The following HIBCH variants were observed in gnomAD, a reference collection of about 807,000 sequenced individuals.
The protein encoded by HIBCH is 3-hydroxyisobutyryl-CoA hydrolase, mitochondrial.
HIBCH carries 50 observed loss-of-function variants against 58.2 expected under a neutral mutation model. The observed-to-expected ratio is 0.86, with a 90% CI of 0.68 to 1.09. The LOEUF is 1.09. Among genes scored for constraint, HIBCH ranks in the 50% least tolerant of loss-of-function variants. The pLI is 0.00. For missense variants in HIBCH, 450 were observed against 449.7 expected (o/e 1.00, Z -0.01); for synonymous variants, 151 against 146.9 (o/e 1.03, Z -0.20).
At chr2:190,299,904 T>C (rs537056265) in intron 2 of HIBCH, among the ~76,000 whole-genome samples, 19 of 152,118 alleles carry the variant, frequency 1.2e-4, no homozygotes, top group Admixed American at 5.2e-4. Flanking sequence ...CACTTATAAG[T>C]GAGAACGTGC....
In HIBCH at chr2:190,203,955, A is replaced by T. The variant is rs997983448; in HGVS notation, c.*1162T>A. 1 of 152,118 alleles carries T rather than the reference A, an allele frequency of 6.6e-6. No individual in the cohort carries two copies. Among genetic ancestry groups the T allele is most frequent in the Admixed American group, 6.5e-5 (1 of 15,276 alleles). The allele number at this position is 152,118 out of a possible 1,614,324, so 9.4% of individuals were successfully genotyped here. ...AAAAATTTATTTTGTTTATAAACAA[A>T]AATTACAAACAAAAAATTATAAATT... On this transcript the variant is annotated 3_prime_UTR_variant, in exon 14 of 14. Coordinates refer to ENST00000359678, the MANE Select transcript of HIBCH (RefSeq NM_014362.4).
intron 1 of HIBCH, among the ~76,000 whole-genome samples, chr2:190,198,789 A>C (rs1463286838): frequency 1.3e-5 from 2 of 152,166 alleles, no homozygotes; most frequent in Admixed American, 6.5e-5. Context: ...CTTTAAAATG[A>C]AGCTGTCTTG....
chr2:190,191,905 CTGTTTTTTTTTCAATCTTTTAACTG>C (rs1689727538), intron 1 of HIBCH, among the ~76,000 whole-genome samples: 2 of 150,446 alleles, frequency 1.3e-5, no homozygotes, highest in African/African-American at 4.9e-5. Context: ...TTTATATTTG[CTGTTTTTTTTTCAATCTTTTAACTG>C]TGTTTTTTTT....
intron 11 of HIBCH, among the ~76,000 whole-genome samples, chr2:190,224,216 GGCCATT>G (rs1397179379): frequency 6.6e-6 from 1 of 152,206 alleles, no homozygotes; most frequent in Non-Finnish European, 1.5e-5. Context: ...AAGGGGCGTC[GGCCATT>G]GCTGATGCTT....
chr2:190,232,907 G>A (rs941957893), intron 11 of HIBCH, among the ~76,000 whole-genome samples: 3 of 152,108 alleles, frequency 2.0e-5, no homozygotes, highest in African/African-American at 4.8e-5. Context: ...GCAGTGAGCC[G>A]AGATCATGCC....
At chr2:190,193,559 T>C (rs980063771) in intron 1 of HIBCH, among the ~76,000 whole-genome samples, 1 of 152,198 alleles carries the variant, frequency 6.6e-6, no homozygotes, top group Non-Finnish European at 1.5e-5. Context: ...TGGAAAGATT[T>C]ACAATTTCTT....
chr2:190,314,328 T>C (rs968061198), intron 1 of HIBCH, among the ~76,000 whole-genome samples: 1,044 of 3,866 alleles, frequency 0.27, 24 homozygotes, highest in Middle Eastern at 0.5. Flanking sequence ...TATGTATATA[T>C]GTATATATAC....
chr2:190,315,081 G>A lies in HIBCH; in HGVS notation c.36-4285C>T, dbSNP rs1688681625. Reference sequence around the variant, plus strand: ...TCCTGCCTCAGTCTCCTGAGTAGCTGGGACTACAGGTGCCTGCCACCATGC... The same window carrying A: ...TCCTGCCTCAGTCTCCTGAGTAGCTAGGACTACAGGTGCCTGCCACCATGC... On this transcript the variant is annotated intron_variant, in intron 1 of 13. Transcript: ENST00000359678. This position sits in a 1 kb window ranked among gnomAD's most constrained non-coding sequence, Gnocchi z 5.4. Among the ~76,000 whole-genome samples the A allele has an allele frequency of 6.6e-6, 1 of 151,894 alleles. No individual in the cohort carries two copies. Among genetic ancestry groups the A allele is most frequent in the African/African-American group, 2.4e-5 (1 of 41,346 alleles).
chr2:190,302,134 T>A (rs1267179182), intron 2 of HIBCH, among the ~76,000 whole-genome samples: 1 of 152,188 alleles, frequency 6.6e-6, no homozygotes, highest in South Asian at 2.1e-4. Flanking sequence ...AAAAGAGAGC[T>A]TTACTTCTCC....
intron 3 of HIBCH, 76 bp downstream of exon 3, chr2:190,296,737 G>T: frequency 7.5e-7 from 1 of 1,326,000 alleles, no homozygotes. Flanking sequence ...GATTCTATGG[G>T]AGAAAATACC....
intron 1 of HIBCH, among the ~76,000 whole-genome samples, chr2:190,190,389 T>C (rs1293982984): frequency 6.6e-6 from 1 of 152,248 alleles, no homozygotes; most frequent in Non-Finnish European, 1.5e-5. Flanking sequence ...TTCATCCTTT[T>C]TTAATTGTCA....
At chr2:190,224,580 GCTAA>G (rs1164747868) in intron 11 of HIBCH, among the ~76,000 whole-genome samples, 1 of 152,136 alleles carries the variant, frequency 6.6e-6, no homozygotes, top group Non-Finnish European at 1.5e-5. Flanking sequence ...AACAAGAAGA[GCTAA>G]CTATCCTAAA....
At chr2:190,223,363 T>C (rs1685784488) in intron 11 of HIBCH, among the ~76,000 whole-genome samples, 1 of 152,136 alleles carries the variant, frequency 6.6e-6, no homozygotes, top group South Asian at 2.1e-4. Context: ...GCCTCCTGAG[T>C]ATATGGTACT....
downstream of HIBCH, chr2:190,202,167 A>G (rs1575688021): frequency 6.0e-6 from 1 of 167,050 alleles, no homozygotes; most frequent in African/African-American, 2.4e-5. Flanking sequence ...TGCCAGATCC[A>G]TATCAACTAG....
Position 190,204,707 on chromosome 2 carries a change from C to T in HIBCH, c.*410G>A, listed in dbSNP as rs922432723. ...TGATTTCATCAACATACAAGCCAAA[C>T]GAAGATCCCATTTCAATTAGATATA... On this transcript the variant is annotated 3_prime_UTR_variant, in exon 14 of 14. Coordinates refer to ENST00000359678, the MANE Select transcript of HIBCH (RefSeq NM_014362.4). The T allele has an allele frequency of 2.1e-5, 4 of 189,028 alleles. No homozygotes were observed. Among genetic ancestry groups the T allele is most frequent in the Admixed American group, 5.5e-5 (1 of 18,304 alleles). The allele number at this position is 189,028 out of a possible 1,614,324, so 11.7% of individuals were successfully genotyped here.
chr2:190,224,025 C>A (rs191358274), intron 11 of HIBCH, among the ~76,000 whole-genome samples: 10 of 152,304 alleles, frequency 6.6e-5, no homozygotes, highest in Admixed American at 6.5e-4. Context: ...CCGTGACAGA[C>A]GGTACCTGGA....
At position 190,249,655 on chromosome 2, in the gene HIBCH, T is replaced by G. The variant is rs61752508; in HGVS notation, c.735A>C (p.Glu245Asp). 3.1e-3 allele frequency: 4,968 copies of G among 1,593,406 alleles called. 145 individuals are homozygous for G. The African/African-American group carries it at 0.056, about 18-fold the overall frequency. Residue 245 changes from glutamate (E) to aspartate (D), a missense_variant, in exon 9 of 14, where the codon GAA becomes GAC. By Grantham distance (45) the Glu-to-Asp change is conservative. Transcript: ENST00000359678. ...ACAAGATTACCTCTGTATGGTAATT[T>G]TCTAAGACAGATGCAATATTTTCTT... Reference protein sequence around the residue: ...PSKENIASVLENYHTESKIDR... With the variant: ...PSKENIASVLDNYHTESKIDR...
chr2:190,206,592 G>A lies in HIBCH; in HGVS notation c.1046-1360C>T, dbSNP rs987771426. Among the ~76,000 whole-genome samples the A allele has an allele frequency of 6.6e-5, 10 of 152,198 alleles. No homozygotes were observed. The highest frequency in any genetic ancestry group is 2.4e-4 in the African/African-American group (10 of 41,442). On this transcript the variant is annotated intron_variant, in intron 13 of 13. Transcript: ENST00000359678. The surrounding 1 kb of genome is among the most constrained non-coding windows in gnomAD (Gnocchi z 5.1). The stretch of plus-strand genomic sequence containing the variant: ...TACATGGAGTTTGAGTGGGTATCCA[G>A]CTCCACTAAGATGGTCTTTTTTTCT...
intron 2 of HIBCH, among the ~76,000 whole-genome samples, chr2:190,305,364 G>T (rs1265411833): frequency 6.6e-6 from 1 of 152,160 alleles, no homozygotes. Flanking sequence ...TCCTGCTGAA[G>T]GTGCTAGGGA....
Sources: allele counts gnomAD v4.1 joint callset (sites outside exome capture counted in the v4.1 genomes callset), GRCh38; gene constraint gnomAD v4.1.1; non-coding constraint Gnocchi (gnomAD v3.1); transcripts MANE v1.5; gene names NCBI Gene and HGNC (gene_info 2026-07-23, HGNC 2026-07-21).